ZRANB1: variants seen among roughly 807,000 people sequenced by gnomAD.
The protein encoded by ZRANB1 is zinc finger RANBP2-type containing 1.
Under a neutral mutation model 80.5 loss-of-function variants are expected in ZRANB1, and 16 were observed. The ratio of observed to expected loss-of-function variants is 0.20; its 90% CI spans 0.13 to 0.30. ZRANB1 has a LOEUF of 0.30. Ranked by LOEUF, ZRANB1 falls within the 10% of genes least tolerant of loss-of-function variation. The probability of loss-of-function intolerance (pLI) is 1.00; values close to 1 mark genes in which losing one functional copy is unlikely to be tolerated. For missense variants in ZRANB1, 576 were observed against 862.6 expected (o/e 0.67, Z 4.16); for synonymous variants, 291 against 293.1 (o/e 0.99, Z 0.07).
At chr10:124,926,653 C>T in the ZRANB1 span, among the ~76,000 whole-genome samples, 1 of 152,166 alleles carries the variant, frequency 6.6e-6, no homozygotes, top group East Asian at 1.9e-4. Flanking sequence ...GTAGGAGTAA[C>T]ATTGTAAAAT....
intron 1 of ZRANB1, chr10:124,945,498 A>G (rs1951574765): frequency 6.9e-6 from 1 of 144,846 alleles, no homozygotes; most frequent in Non-Finnish European, 1.5e-5. Flanking sequence ...GTAGGTTTAT[A>G]GATGAAAATG....
At chr10:124,918,154 T>C in the ZRANB1 span, among the ~76,000 whole-genome samples, 1 of 152,228 alleles carries the variant, frequency 6.6e-6, no homozygotes, top group African/African-American at 2.4e-5. Flanking sequence ...ATAAATCTAA[T>C]GTGCAAAAAT....
chr10:124,925,606 A>G, the ZRANB1 span, among the ~76,000 whole-genome samples: 3 of 152,088 alleles, frequency 2.0e-5, no homozygotes, highest in African/African-American at 4.8e-5. Flanking sequence ...TAAGTTACCT[A>G]TGTTTTCTTT....
At chr10:124,974,177 A>G (rs1308217215) in intron 4 of ZRANB1, 23 bp from the exon 5 acceptor site, 3 of 1,610,678 alleles carry the variant, frequency 1.9e-6, no homozygotes, top group South Asian at 1.1e-5. Flanking sequence ...GGAAATGAAC[A>G]TGTATTTAAA....
At chr10:124,953,610 C>T (rs755702767) in intron 1 of ZRANB1, among the ~76,000 whole-genome samples, 21 of 152,120 alleles carry the variant, frequency 1.4e-4, no homozygotes, top group South Asian at 4.1e-4. Context: ...GTTTTGTGTG[C>T]GGTGTTTCTG....
At chr10:124,977,275 CT>C (rs201153304) in intron 5 of ZRANB1, among the ~76,000 whole-genome samples, 23,180 of 130,400 alleles carry the variant, frequency 0.18, 1,234 homozygotes, top group East Asian at 0.25. Context: ...TGCACCTGGC[CT>C]TTTTTTTTTT....
intron 6 of ZRANB1, among the ~76,000 whole-genome samples, 193 bp from the exon 7 acceptor site, chr10:124,982,982 T>C (rs966177175): frequency 1.4e-4 from 21 of 152,272 alleles, no homozygotes; most frequent in Non-Finnish European, 2.6e-4. Context: ...GATATTTGCA[T>C]GTAGCCTTTA....
the ZRANB1 span, among the ~76,000 whole-genome samples, chr10:124,919,911 C>T: frequency 3.9e-5 from 3 of 77,230 alleles, no homozygotes; most frequent in Admixed American, 1.3e-4. Context: ...GCGCCCGGCC[C>T]CCCCCCCCCC....
chr10:124,919,938 A>C, the ZRANB1 span, among the ~76,000 whole-genome samples: 11 of 60,726 alleles, frequency 1.8e-4, no homozygotes, highest in East Asian at 1.2e-3. Flanking sequence ...TTTTTTTGAG[A>C]CCTTGTCTCA....
In ZRANB1 at chr10:124,943,019, A is replaced by G. The variant is rs1370956611; in HGVS notation, c.526A>G (p.Arg176Gly). The change falls in exon 1 of 9, where the codon AGA becomes GGA. Residue 176 changes from arginine (R) to glycine (G), a missense_variant. Coordinates refer to ENST00000359653, the MANE Select transcript of ZRANB1 (RefSeq NM_017580.3). ...AAGATGTGTTGTTTGTGATCATCCC[A>G]GACCTAATAACATTGAAGCAATAGA... is the stretch of plus-strand genomic sequence containing the variant. ...AKRCVVCDHP[R>G]PNNIEAIELA... The G allele has an allele frequency of 2.5e-6, 4 of 1,614,144 alleles. No homozygotes were observed. Among genetic ancestry groups the G allele is most frequent in the Non-Finnish European group, 3.4e-6 (4 of 1,180,048 alleles).
In ZRANB1 at chr10:124,942,191, A is replaced by G. The variant is rs1951541669; in HGVS notation, c.-303A>G. ...CGTTAATCTCATCCTTCTTAGATCA[A>G]ACCTCGTTATATCTCCTGCCTATCT... On this transcript the variant is annotated 5_prime_UTR_variant, in exon 1 of 9. Transcript: ENST00000359653. 8.5e-7 allele frequency: 1 copy of G among 1,176,454 alleles called. No individual in the cohort carries two copies. The highest frequency in any genetic ancestry group is 1.1e-6 in the Non-Finnish European group (1 of 948,094). 72.9% of individuals were successfully genotyped at this position (1,176,454 alleles called of 1,614,324 possible).
At chr10:124,946,041 A>C (rs1424294164) in intron 1 of ZRANB1, 1 of 152,102 alleles carries the variant, frequency 6.6e-6, no homozygotes, top group African/African-American at 2.4e-5. Context: ...CACCCACCTC[A>C]GCCTCCCAGA....
At chr10:124,918,627 A>C in the ZRANB1 span, among the ~76,000 whole-genome samples, 1 of 152,262 alleles carries the variant, frequency 6.6e-6, no homozygotes, top group Non-Finnish European at 1.5e-5. Context: ...CTCAGTGTAC[A>C]AACCATAAGC....
At chr10:124,933,310 C>A in the ZRANB1 span, among the ~76,000 whole-genome samples, 3 of 151,096 alleles carry the variant, frequency 2.0e-5, no homozygotes, top group East Asian at 5.9e-4. Context: ...CTAATTTTTT[C>A]GTATTTTTAA....
chr10:124,966,335 A>G lies in ZRANB1; in HGVS notation c.815-259A>G, dbSNP rs185145795. Reference sequence around the variant, plus strand: ...TTCGATCCAATTCATGCAGCCTAATAGTTCCTCTAAATCTCACCAGAGCCT... The same window carrying G: ...TTCGATCCAATTCATGCAGCCTAATGGTTCCTCTAAATCTCACCAGAGCCT... On this transcript the variant is annotated intron_variant, in intron 1 of 8. Coordinates refer to ENST00000359653, the MANE Select transcript of ZRANB1 (RefSeq NM_017580.3). Among the ~76,000 whole-genome samples, 171 of 152,184 alleles carry G rather than the reference A, an allele frequency of 1.1e-3. 1 individual carries two copies. The highest frequency in any genetic ancestry group is 2.0e-3 in the Non-Finnish European group (138 of 68,018).
the ZRANB1 span, among the ~76,000 whole-genome samples, chr10:124,929,053 T>C: frequency 2.0e-5 from 3 of 152,198 alleles, no homozygotes; most frequent in South Asian, 6.2e-4. Flanking sequence ...AGAGTGGAAG[T>C]GCTAGATCAC....
chr10:124,927,341 A>G, the ZRANB1 span, among the ~76,000 whole-genome samples: 1 of 152,224 alleles, frequency 6.6e-6, no homozygotes, highest in Non-Finnish European at 1.5e-5. Context: ...CAGCAGAAGG[A>G]AAGGATCTCT....
At chr10:124,933,596 G>C in the ZRANB1 span, among the ~76,000 whole-genome samples, 1 of 152,206 alleles carries the variant, frequency 6.6e-6, no homozygotes, top group Admixed American at 6.5e-5. Context: ...TTAGATTGCA[G>C]GTTCTCTGAG....
chr10:124,938,137 C>A (rs1353804116), upstream of ZRANB1, among the ~76,000 whole-genome samples: 1 of 152,098 alleles, frequency 6.6e-6, no homozygotes, highest in Non-Finnish European at 1.5e-5. Context: ...AGAGTATTAA[C>A]TTTTAGAGCT....
Sources: allele counts gnomAD v4.1 joint callset (sites outside exome capture counted in the v4.1 genomes callset), GRCh38; gene constraint gnomAD v4.1.1; transcripts MANE v1.5; gene names NCBI Gene and HGNC (gene_info 2026-07-23, HGNC 2026-07-21).